NPSR1: variants seen among roughly 807,000 people sequenced by gnomAD.
The protein encoded by NPSR1 is neuropeptide S receptor 1.
NPSR1 carries 48 observed loss-of-function variants against 46.9 expected under a neutral mutation model. The observed-to-expected ratio is 1.02, with a 90% confidence interval of 0.81 to 1.30. The LOEUF (loss-of-function observed/expected upper bound fraction) is 1.30. Ranked by LOEUF, NPSR1 falls within the 50% of genes most tolerant of loss-of-function variation. The pLI is 0.00. For missense variants in NPSR1, 450 were observed against 449.5 expected (o/e 1.00, Z -0.01); for synonymous variants, 176 against 168.1 (o/e 1.05, Z -0.36).
rs781296883 is a variant in NPSR1 at position 34,684,627 on chromosome 7, T to C, written c.223T>C (p.Trp75Arg). The C allele has an allele frequency of 6.2e-7, 1 of 1,613,836 alleles. No homozygotes were observed. The highest frequency in any genetic ancestry group is 1.1e-5 in the South Asian group (1 of 91,052). ...VGNSVVLFST[W>R]RRKKKSRMTF... Reference sequence around the variant, plus strand: ...AAACTCCGTTGTGCTTTTTTCCACATGGAGGAGAAAGAAGAAGTCAAGAAT... The same window carrying C: ...AAACTCCGTTGTGCTTTTTTCCACACGGAGGAGAAAGAAGAAGTCAAGAAT... Residue 75 changes from tryptophan (W) to arginine (R), a missense_variant, in exon 2 of 9, where the codon TGG (tryptophan) becomes CGG (arginine). Physicochemically the swap from Trp to Arg is moderately radical, Grantham distance 101. Coordinates refer to ENST00000360581, the MANE Select transcript of NPSR1 (RefSeq NM_207172.2).
At chr7:34,822,175 G>C (rs367864352) in intron 4 of NPSR1, among the ~76,000 whole-genome samples, 2 of 152,176 alleles carry the variant, frequency 1.3e-5, no homozygotes, top group African/African-American at 2.4e-5. Context: ...AACGCGACAC[G>C]AGAGGTTCCA....
At chr7:34,810,691 T>A (rs17789287) in intron 3 of NPSR1, among the ~76,000 whole-genome samples, 20,382 of 152,256 alleles carry the variant, frequency 0.13, 1,542 homozygotes, top group Non-Finnish European at 0.17. Context: ...GCAGAAAAAA[T>A]TAGTTTAGCT....
In NPSR1 at chr7:34,759,935, C is replaced by G. The variant is rs1460280374; in HGVS notation, c.281-18527C>G. Among the ~76,000 whole-genome samples, 3 of 152,172 alleles carry G rather than the reference C, an allele frequency of 2.0e-5. No homozygotes were observed. The East Asian group carries it at 5.8e-4, about 29-fold the overall frequency. ...GCAATCCTGTTAATAAATAGTGGCC[C>G]AATCCCTGAACTAATCTATCTTGTG... On this transcript the variant is annotated intron_variant, in intron 2 of 8. Coordinates refer to ENST00000360581, the MANE Select transcript of NPSR1 (RefSeq NM_207172.2).
intron 8 of NPSR1, among the ~76,000 whole-genome samples, chr7:34,868,508 C>T (rs1791372582): frequency 6.6e-6 from 1 of 151,752 alleles, no homozygotes; most frequent in Non-Finnish European, 1.5e-5. Flanking sequence ...CTGCACTCAA[C>T]ATCTAGCATG....
intron 2 of NPSR1, among the ~76,000 whole-genome samples, chr7:34,690,327 C>T (rs555657033): frequency 1.3e-5 from 2 of 152,012 alleles, no homozygotes; most frequent in African/African-American, 4.8e-5. Context: ...AGAAATAACT[C>T]GGAATGTATG....
At chr7:34,809,078 C>A (rs1788852495) in intron 3 of NPSR1, among the ~76,000 whole-genome samples, 1 of 152,128 alleles carries the variant, frequency 6.6e-6, no homozygotes, top group Admixed American at 6.6e-5. Context: ...ATCCTTATAA[C>A]CTCACCATGA....
intron 6 of NPSR1, among the ~76,000 whole-genome samples, chr7:34,836,299 C>A (rs1790367154): frequency 6.6e-6 from 1 of 152,116 alleles, no homozygotes; most frequent in Non-Finnish European, 1.5e-5. Flanking sequence ...AGACATCCTT[C>A]CTCTATCAGA....
At chr7:34,709,787 G>T (rs1202323384) in intron 2 of NPSR1, among the ~76,000 whole-genome samples, 1 of 151,978 alleles carries the variant, frequency 6.6e-6, no homozygotes, top group Non-Finnish European at 1.5e-5. Context: ...CCAAATGAAT[G>T]AATGAAAGAT....
At chr7:34,781,651 C>T (rs1787237738) in intron 3 of NPSR1, among the ~76,000 whole-genome samples, 1 of 152,150 alleles carries the variant, frequency 6.6e-6, no homozygotes, top group African/African-American at 2.4e-5. Flanking sequence ...GCTATACCTT[C>T]CTCCTATCCC....
chr7:34,762,699 C>T (rs1786234523), intron 2 of NPSR1, among the ~76,000 whole-genome samples: 1 of 152,186 alleles, frequency 6.6e-6, no homozygotes, highest in Non-Finnish European at 1.5e-5. Flanking sequence ...CTCTGAGATA[C>T]ACAGTTGATA....
chr7:34,794,443 T>G lies in NPSR1; in HGVS notation c.384+15878T>G, dbSNP rs373535653. Among the ~76,000 whole-genome samples, 15 of 152,212 alleles carry G rather than the reference T, an allele frequency of 9.9e-5. No homozygotes were observed. In the East Asian group the frequency reaches 1.9e-3, roughly 20 times the overall value. On this transcript the variant is annotated intron_variant, in intron 3 of 8. Coordinates refer to ENST00000360581, the MANE Select transcript of NPSR1 (RefSeq NM_207172.2). ...TATCTCACAGATTTTATAACCTAGT[T>G]AAGATGGACCAATTCCTTGAAAGAT...
intron 7 of NPSR1, chr7:34,845,669 A>G: frequency 2.3e-6 from 1 of 441,232 alleles, no homozygotes; most frequent in South Asian, 1.6e-5. Context: ...ACTACAGGAT[A>G]TAGATTGATT....
At chr7:34,679,200 AAAAC>A (rs1198096702) in intron 1 of NPSR1, among the ~76,000 whole-genome samples, 1 of 152,214 alleles carries the variant, frequency 6.6e-6, no homozygotes, top group Non-Finnish European at 1.5e-5. Context: ...TTAAAGTACA[AAAAC>A]AAACTTTAAA....
chr7:34,726,492 A>T (rs1233686435), intron 2 of NPSR1, among the ~76,000 whole-genome samples: 1 of 152,224 alleles, frequency 6.6e-6, no homozygotes, highest in Non-Finnish European at 1.5e-5. Context: ...CATATAATTC[A>T]TCAATCACAC....
chr7:34,671,045 G>A lies in NPSR1; in HGVS notation c.147+12486G>A, dbSNP rs1349144742. 2.6e-5 allele frequency among the ~76,000 whole-genome samples: 4 copies of A among 152,012 alleles called. No homozygotes were observed. In the East Asian group the frequency reaches 7.7e-4, roughly 29 times the overall value. On this transcript the variant is annotated intron_variant, in intron 1 of 8. Coordinates refer to ENST00000360581, the MANE Select transcript of NPSR1 (RefSeq NM_207172.2). ...ACATTCAAAGACAGAAACAAAGACT[G>A]CATTAAGTTGTTTTATTAAAAAGTA... is the stretch of plus-strand genomic sequence containing the variant.
At chr7:34,673,033 G>A (rs1178445950) in intron 1 of NPSR1, among the ~76,000 whole-genome samples, 2 of 152,076 alleles carry the variant, frequency 1.3e-5, no homozygotes, top group African/African-American at 4.8e-5. Context: ...CTTCACTTAC[G>A]CTGTTGCCAG....
chr7:34,775,951 A>G (rs1031397226), intron 2 of NPSR1, among the ~76,000 whole-genome samples: 7 of 152,012 alleles, frequency 4.6e-5, no homozygotes, highest in Admixed American at 2.0e-4. Context: ...GTTTCAAGAA[A>G]CTTTTAAATT....
intron 2 of NPSR1, among the ~76,000 whole-genome samples, chr7:34,766,732 C>T (rs1240679184): frequency 6.6e-6 from 1 of 151,954 alleles, no homozygotes; most frequent in East Asian, 1.9e-4. Context: ...GCCACCACGC[C>T]CGGCTAATTT....
At chr7:34,760,366 A>T (rs995938770) in intron 2 of NPSR1, among the ~76,000 whole-genome samples, 2 of 152,192 alleles carry the variant, frequency 1.3e-5, no homozygotes, top group Non-Finnish European at 2.9e-5. Flanking sequence ...AAACTATCTC[A>T]TTTAACCTTC....
Sources: gnomAD v4.1 joint callset for allele counts (sites outside exome capture counted in the v4.1 genomes callset) on GRCh38, gnomAD v4.1.1 for gene constraint, MANE v1.5 for transcripts, NCBI Gene and HGNC (gene_info 2026-07-23, HGNC 2026-07-21) for gene names.